The following MIS18A variants were observed in gnomAD, a reference collection of about 807,000 sequenced individuals.
MIS18A encodes MIS18 kinetochore protein A.
MIS18A carries 14 observed loss-of-function variants against 25.0 expected under a neutral mutation model. That is an observed-to-expected ratio of 0.56 (90% CI 0.37 to 0.88). The LOEUF (loss-of-function observed/expected upper bound fraction) is 0.88. MIS18A is among the 40% of genes least tolerant of loss of function. MIS18A has a pLI of 0.00. For missense variants in MIS18A, 292 were observed against 290.8 expected (o/e 1.00, Z -0.03); for synonymous variants, 134 against 118.6 (o/e 1.13, Z -0.84).
At chr21:32,270,259 A>T in intron 3 of MIS18A, 148 bp downstream of exon 3, 2 of 903,206 alleles carry the variant, frequency 2.2e-6, no homozygotes, top group Non-Finnish European at 3.0e-6. Flanking sequence ...AAGGAGGTCA[A>T]AGCAAAAAAA....
At chr21:32,277,980 CA>C in intron 1 of MIS18A, 1 of 152,170 alleles carries the variant, frequency 6.6e-6, no homozygotes, top group Non-Finnish European at 1.5e-5. Context: ...AATCACAATC[CA>C]AAAACAACAG....
the MIS18A span, among the ~76,000 whole-genome samples, chr21:32,239,095 C>G: frequency 6.6e-6 from 1 of 152,158 alleles, no homozygotes; most frequent in African/African-American, 2.4e-5. Flanking sequence ...AGCATTTACA[C>G]CTGTGCAATG....
chr21:32,274,849 G>T lies in MIS18A; in HGVS notation c.382C>A (p.Arg128Ser). The part of the protein sequence containing the change: ...SVDKEQKLSK[R>S]EKENGCVLET... ...ACTCACCAACCATTTTCCTTTTCACGTTTGGATAGCTTCTGTTCCTTATCC... is the reference window on the plus strand; with the variant it reads ...ACTCACCAACCATTTTCCTTTTCACTTTTGGATAGCTTCTGTTCCTTATCC... Residue 128 changes from arginine (R) to serine (S), a missense_variant, in exon 2 of 5, where the codon CGT (arginine) becomes AGT (serine). Coordinates refer to ENST00000290130, the MANE Select transcript of MIS18A (RefSeq NM_018944.3). The T allele has an allele frequency of 6.2e-7, 1 of 1,612,324 alleles. No individual in the cohort carries two copies. The highest frequency in any genetic ancestry group is 8.5e-7 in the Non-Finnish European group (1 of 1,178,854).
chr21:32,235,532 C>G, the MIS18A span, among the ~76,000 whole-genome samples: 5 of 152,184 alleles, frequency 3.3e-5, no homozygotes, highest in African/African-American at 1.2e-4. Context: ...GCAGCCACTA[C>G]CACCAATACA....
the MIS18A span, among the ~76,000 whole-genome samples, chr21:32,222,993 C>A: frequency 6.8e-6 from 1 of 147,558 alleles, no homozygotes; most frequent in Non-Finnish European, 1.5e-5. Flanking sequence ...CTCACAACTA[C>A]AAGGGAACTG....
the MIS18A span, among the ~76,000 whole-genome samples, chr21:32,241,058 A>C: frequency 6.6e-6 from 1 of 152,224 alleles, no homozygotes; most frequent in Non-Finnish European, 1.5e-5. Flanking sequence ...CCTCAAGTTC[A>C]CATTTAAATG....
the MIS18A span, among the ~76,000 whole-genome samples, chr21:32,240,371 C>G: frequency 6.6e-6 from 1 of 152,244 alleles, no homozygotes; most frequent in African/African-American, 2.4e-5. Flanking sequence ...GAGTACCCAG[C>G]AAGAAGATGC....
At chr21:32,220,698 C>A in the MIS18A span, among the ~76,000 whole-genome samples, 8 of 151,984 alleles carry the variant, frequency 5.3e-5, no homozygotes, top group Non-Finnish European at 8.8e-5. Flanking sequence ...AAAAGAGCAT[C>A]TTCTAACCCA....
At chr21:32,186,604 G>A in the MIS18A span, among the ~76,000 whole-genome samples, 1 of 152,148 alleles carries the variant, frequency 6.6e-6, no homozygotes, top group African/African-American at 2.4e-5. Context: ...TAAAGAAGAG[G>A]GCGATACATC....
intron 4 of MIS18A, 72 bp downstream of exon 4, chr21:32,269,635 C>T (rs1383177624): frequency 3.5e-6 from 3 of 857,646 alleles, no homozygotes; most frequent in East Asian, 2.6e-5. Context: ...TGAGAATTAT[C>T]GTTTGTGGGG....
At chr21:32,246,580 C>A in the MIS18A span, among the ~76,000 whole-genome samples, 17 of 152,180 alleles carry the variant, frequency 1.1e-4, no homozygotes, top group African/African-American at 4.1e-4. Flanking sequence ...AAACTGAGGA[C>A]ACAGTGTCCT....
At chr21:32,174,418 A>G in the MIS18A span, among the ~76,000 whole-genome samples, 1 of 152,318 alleles carries the variant, frequency 6.6e-6, no homozygotes, top group Admixed American at 6.5e-5. Context: ...AACAAGGTAG[A>G]CTTTAAGACA....
the MIS18A span, among the ~76,000 whole-genome samples, chr21:32,244,213 C>T: frequency 6.6e-6 from 1 of 152,098 alleles, no homozygotes; most frequent in Non-Finnish European, 1.5e-5. Context: ...AAGGAAAAAC[C>T]ATAGCGACAG....
At chr21:32,240,157 A>C in the MIS18A span, among the ~76,000 whole-genome samples, 87 of 152,372 alleles carry the variant, frequency 5.7e-4, no homozygotes, top group East Asian at 0.017. Context: ...TTCTGGAGAC[A>C]GCAGAACCAA....
At chr21:32,219,588 T>C in the MIS18A span, among the ~76,000 whole-genome samples, 2 of 152,158 alleles carry the variant, frequency 1.3e-5, no homozygotes, top group Non-Finnish European at 2.9e-5. Flanking sequence ...GAAGTCTTTT[T>C]TCATACCCCA....
In MIS18A at chr21:32,268,807, A is replaced by C. The variant is rs987529817; in HGVS notation, c.*230T>G. Reference sequence around the variant, plus strand: ...TCTACAATTTTGGGTTTTTTTTTTGAGAGAAGGTCTCACTCTGTTGCCCAG... The same window carrying C: ...TCTACAATTTTGGGTTTTTTTTTTGCGAGAAGGTCTCACTCTGTTGCCCAG... On this transcript the variant is annotated 3_prime_UTR_variant, in exon 5 of 5. Coordinates refer to ENST00000290130, the MANE Select transcript of MIS18A (RefSeq NM_018944.3). The C allele has an allele frequency of 2.9e-6, 1 of 348,610 alleles. No individual in the cohort carries two copies. The highest frequency in any genetic ancestry group is 5.3e-6 in the Non-Finnish European group (1 of 190,200). The allele number at this position is 348,610 out of a possible 1,614,324, so 21.6% of individuals were successfully genotyped here. A position where few individuals can be genotyped will look rare whatever the true frequency, so the allele number is the denominator to read the frequency against.
At position 32,270,504 on chromosome 21, in the gene MIS18A, C is replaced by T; in HGVS notation, c.427G>A (p.Gly143Arg). ...GCVLETLCCAGCSLNLGYVYR... is the reference protein window; with the variant it reads ...GCVLETLCCARCSLNLGYVYR... The stretch of plus-strand genomic sequence containing the variant: ...ACGTAGCCAAGATTGAGTGAGCACC[C>T]CGCGCAGCACAAAGTCTCAAGGACG... The change falls in exon 3 of 5, where the codon GGG (glycine) becomes AGG (arginine). Residue 143 changes from glycine (G) to arginine (R), a missense_variant. Coordinates refer to ENST00000290130, the MANE Select transcript of MIS18A (RefSeq NM_018944.3). 1.3e-6 allele frequency: 2 copies of T among 1,597,508 alleles called. No homozygotes were observed. Among genetic ancestry groups the T allele is most frequent in the Non-Finnish European group, 8.5e-7 (1 of 1,173,938 alleles).
the MIS18A span, among the ~76,000 whole-genome samples, chr21:32,181,941 C>T: frequency 6.6e-6 from 1 of 152,116 alleles, no homozygotes; most frequent in Non-Finnish European, 1.5e-5. Flanking sequence ...GCCTCTGGTT[C>T]CTTGTTTGTA....
the MIS18A span, among the ~76,000 whole-genome samples, chr21:32,157,223 A>ATTTTTTTTTTTTT: frequency 0.013 from 932 of 72,156 alleles, 88 homozygotes; most frequent in African/African-American, 0.023. Flanking sequence ...TACCCGGCTA[A>ATTTTTTTTTTTTT]TTTTTTTTTT....
Sources: gnomAD v4.1 joint callset for allele counts (sites outside exome capture counted in the v4.1 genomes callset) on GRCh38, gnomAD v4.1.1 for gene constraint, MANE v1.5 for transcripts, NCBI Gene and HGNC (gene_info 2026-07-23, HGNC 2026-07-21) for gene names.